The following RBFOX1 variants were observed in gnomAD, a reference collection of about 807,000 sequenced individuals.
RBFOX1 encodes RNA binding protein fox-1 homolog 1.
RBFOX1 carries 8 observed loss-of-function variants against 57.7 expected under a neutral mutation model. The observed-to-expected ratio is 0.14, with a 90% confidence interval of 0.08 to 0.25. The LOEUF (loss-of-function observed/expected upper bound fraction) is 0.25. RBFOX1 is among the 10% of genes least tolerant of loss of function. RBFOX1 has a pLI of 1.00. For synonymous variants in RBFOX1, 326 were observed against 222.4 expected, an observed-to-expected ratio of 1.47 and a Z score of -4.15; for missense variants, 611 against 548.5, an observed-to-expected ratio of 1.11 and a Z score of -1.14.
intron 3 of RBFOX1, chr16:6,774,121 A>C (rs2078928765): frequency 6.9e-6 from 4 of 580,540 alleles, no homozygotes; most frequent in Non-Finnish European, 8.7e-6. Flanking sequence ...TAAAATACCA[A>C]GTTATCGGAA....
At chr16:6,145,928 T>A (rs933009640) in intron 1 of RBFOX1, among the ~76,000 whole-genome samples, 4 of 152,164 alleles carry the variant, frequency 2.6e-5, no homozygotes, top group African/African-American at 9.7e-5. Context: ...TGACTGAGGA[T>A]GAATTTGCAC....
At chr16:5,344,257 A>C (rs1025635303) in intron 1 of RBFOX1, among the ~76,000 whole-genome samples, 3 of 152,094 alleles carry the variant, frequency 2.0e-5, no homozygotes, top group African/African-American at 7.2e-5. Context: ...CATGTCCTGC[A>C]GCTCCCTCTC....
At chr16:7,526,433 A>C (rs369782195) in intron 5 of RBFOX1, among the ~76,000 whole-genome samples, 2 of 152,300 alleles carry the variant, frequency 1.3e-5, no homozygotes, top group East Asian at 3.9e-4. Context: ...AAGGAGCTCA[A>C]GCTGACCATT....
intron 1 of RBFOX1, among the ~76,000 whole-genome samples, chr16:6,127,096 C>G (rs529958369): frequency 1.3e-5 from 2 of 152,206 alleles, no homozygotes; most frequent in Admixed American, 1.3e-4. Flanking sequence ...TCAGAGGTAG[C>G]AGCAAGTGCA....
At chr16:6,908,815 A>T (rs1434778142) in intron 3 of RBFOX1, among the ~76,000 whole-genome samples, 1 of 152,120 alleles carries the variant, frequency 6.6e-6, no homozygotes, top group Non-Finnish European at 1.5e-5. Context: ...TGATAAATGG[A>T]GGTGAGGTTG....
chr16:7,597,262 C>G lies in RBFOX1; in HGVS notation c.562-109C>G, dbSNP rs1018319964. 9.8e-6 allele frequency: 7 copies of G among 717,870 alleles called. No individual in the cohort carries two copies. The African/African-American group carries it at 1.1e-4, about 11-fold the overall frequency. 44.5% of individuals were successfully genotyped at this position (717,870 alleles called of 1,614,324 possible). A position where few individuals can be genotyped will look rare whatever the true frequency, so the allele number is the denominator to read the frequency against. Reference sequence around the variant, plus strand: ...CTTTTATAAATTAAAATGCATTTTACTTTTTAGTTTTCTTTTTTAATAAGT... The same window carrying G: ...CTTTTATAAATTAAAATGCATTTTAGTTTTTAGTTTTCTTTTTTAATAAGT... On this transcript the variant is annotated intron_variant, in intron 8 of 15. Coordinates refer to ENST00000550418, the MANE Select transcript of RBFOX1 (RefSeq NM_018723.4).
At chr16:6,721,248 G>C (rs2065933366) in intron 3 of RBFOX1, among the ~76,000 whole-genome samples, 1 of 152,156 alleles carries the variant, frequency 6.6e-6, no homozygotes, top group South Asian at 2.1e-4. Context: ...TTTGAGACCA[G>C]TCTGGCCAAC....
At chr16:5,373,207 T>C (rs2065903022) in intron 1 of RBFOX1, among the ~76,000 whole-genome samples, 1 of 152,172 alleles carries the variant, frequency 6.6e-6, no homozygotes, top group Non-Finnish European at 1.5e-5. Context: ...TTTGTTTTTA[T>C]GGCTTCTAGG....
intron 2 of RBFOX1, among the ~76,000 whole-genome samples, chr16:6,403,192 C>T (rs1284629341): frequency 2.0e-5 from 3 of 152,052 alleles, no homozygotes; most frequent in Non-Finnish European, 4.4e-5. Context: ...ACTTGCAGGC[C>T]TGTATTCAAA....
chr16:6,534,244 G>C (rs1488936763), intron 2 of RBFOX1, among the ~76,000 whole-genome samples: 1 of 151,930 alleles, frequency 6.6e-6, no homozygotes, highest in African/African-American at 2.4e-5. Context: ...TGCTGACAAG[G>C]ACATCAGTGT....
At chr16:6,656,980 TTCCTC>T (rs1568078655) in intron 3 of RBFOX1, among the ~76,000 whole-genome samples, 3 of 48,112 alleles carry the variant, frequency 6.2e-5, no homozygotes, top group African/African-American at 8.6e-5. Flanking sequence ...CTCCTCCCCT[TTCCTC>T]TCCTCTCCTC....
At chr16:6,299,039 C>T (rs189717556) in intron 1 of RBFOX1, among the ~76,000 whole-genome samples, 6 of 152,282 alleles carry the variant, frequency 3.9e-5, no homozygotes, top group Non-Finnish European at 7.4e-5. Context: ...TCTGATACTT[C>T]ATCTCTGTTC....
chr16:7,388,207 G>A (rs1264619901), intron 4 of RBFOX1, among the ~76,000 whole-genome samples: 3 of 152,142 alleles, frequency 2.0e-5, no homozygotes, highest in African/African-American at 7.2e-5. Context: ...CTTCTTGGCA[G>A]AGTTCTACAG....
chr16:6,489,315 T>G (rs997616024), intron 2 of RBFOX1, among the ~76,000 whole-genome samples: 1 of 152,208 alleles, frequency 6.6e-6, no homozygotes, highest in African/African-American at 2.4e-5. Flanking sequence ...GTTTGGCACA[T>G]AGGTTTATTG....
At chr16:7,671,691 C>T (rs1037975349) in intron 13 of RBFOX1, 19 of 1,181,066 alleles carry the variant, frequency 1.6e-5, no homozygotes, top group Non-Finnish European at 2.0e-5. Flanking sequence ...GGGAGGGGAA[C>T]AGTTCTCTAA....
intron 3 of RBFOX1, among the ~76,000 whole-genome samples, chr16:5,618,340 T>TTG (rs1314622633): frequency 1.4e-5 from 2 of 143,930 alleles, no homozygotes; most frequent in South Asian, 2.3e-4. Flanking sequence ...TTTTTTTTTT[T>TTG]TGTGTGTGTG....
At position 7,610,113 on chromosome 16, in the gene RBFOX1, G is replaced by GC. The variant is rs1234981168; in HGVS notation, c.676+2780dup. ...TTACAGGTGTGAGCCACTGCGCCCG[G>GC]CCCCCTTTTTTTTTTTTTTTTTTTT... On this transcript the variant is annotated intron_variant, in intron 10 of 15. Transcript: ENST00000550418. Among the ~76,000 whole-genome samples, 13 of 81,028 alleles carry GC rather than the reference G, an allele frequency of 1.6e-4. No homozygotes were observed. The East Asian group carries it at 1.7e-3, about 11-fold the overall frequency. 53.2% of individuals were successfully genotyped at this position (81,028 alleles called of 152,430 possible).
chr16:6,891,345 G>A (rs1015685870), intron 3 of RBFOX1, among the ~76,000 whole-genome samples: 2 of 152,118 alleles, frequency 1.3e-5, no homozygotes, highest in Non-Finnish European at 2.9e-5. Flanking sequence ...TAATCTACTT[G>A]CCCATCGATA....
intron 3 of RBFOX1, among the ~76,000 whole-genome samples, chr16:6,702,458 G>A (rs1029083152): frequency 6.6e-6 from 1 of 152,150 alleles, no homozygotes; most frequent in Admixed American, 6.5e-5. Context: ...GGAGGCTGAG[G>A]CAGGAGAATT....
Sources: gnomAD v4.1 joint callset for allele counts (sites outside exome capture counted in the v4.1 genomes callset) on GRCh38, gnomAD v4.1.1 for gene constraint, MANE v1.5 for transcripts, NCBI Gene and HGNC (gene_info 2026-07-23, HGNC 2026-07-21) for gene names.